The following CA5B variants were observed in gnomAD, a reference collection of about 807,000 sequenced individuals.
CA5B encodes the protein carbonic anhydrase 5B, also known as carbonic anhydrase 5B, mitochondrial.
CA5B carries 15 observed loss-of-function variants against 23.1 expected under a neutral mutation model. The observed-to-expected ratio is 0.65, with a 90% CI of 0.43 to 1.00. The LOEUF is 1.00. Ranked by LOEUF, CA5B falls within the 50% of genes least tolerant of loss-of-function variation. CA5B has a pLI of 0.00. For synonymous variants in CA5B, 84 were observed against 98.5 expected (o/e 0.85, Z 0.87); for missense variants, 236 against 252.2 (o/e 0.94, Z 0.43).
chrX:15,743,142 A>G (rs1354862842), intron 1 of CA5B, among the ~76,000 whole-genome samples: 1 of 112,618 alleles, frequency 8.9e-6, no homozygotes, highest in Non-Finnish European at 1.9e-5. Flanking sequence ...AATATGCCAG[A>G]CATACGCCCA....
chrX:15,776,493 C>G (rs762560645), intron 6 of CA5B, among the ~76,000 whole-genome samples: 3 of 111,451 alleles, frequency 2.7e-5, no homozygotes, highest in African/African-American at 9.7e-5. Flanking sequence ...GGCCGTTTTC[C>G]CACAGGGGAA....
In CA5B at chrX:15,775,259, A is replaced by G. The variant is rs774667169; in HGVS notation, c.569A>G (p.His190Arg). The G allele has an allele frequency of 3.1e-5, 37 of 1,197,032 alleles. No individual in the cohort carries two copies. The highest frequency in any genetic ancestry group is 4.2e-5 in the Non-Finnish European group (37 of 885,359). ...GTTGTTCTTTAGCTAGGCAAACATC[A>G]TAAGGAGCTACAGAAATTAGTGGAT... Reference protein sequence around the residue: ...IGVFLKLGKHHKELQKLVDTL... With the variant: ...IGVFLKLGKHRKELQKLVDTL... The change falls in exon 6 of 8, where the codon CAT becomes CGT. Residue 190 changes from histidine to arginine, a missense_variant. His to Arg is a conservative substitution (Grantham distance 29). Coordinates refer to ENST00000318636, the MANE Select transcript of CA5B (RefSeq NM_007220.4).
chrX:15,760,966 A>G (rs1170496176), intron 2 of CA5B, among the ~76,000 whole-genome samples: 2 of 111,702 alleles, frequency 1.8e-5, no homozygotes, highest in Non-Finnish European at 3.8e-5. Context: ...ATGTTTATTC[A>G]TGATGAATAT....
At chrX:15,755,301 G>T (rs1273434497) in intron 2 of CA5B, among the ~76,000 whole-genome samples, 1 of 111,994 alleles carries the variant, frequency 8.9e-6, no homozygotes, top group Non-Finnish European at 1.9e-5. Flanking sequence ...GGAAATGTGG[G>T]CTGTAGTCTC....
Position 15,759,734 on chromosome X carries a change from C to CTTTTTTTTT in CA5B, c.143-4820_143-4812dup, listed in dbSNP as rs56915078. On this transcript the variant is annotated intron_variant, in intron 2 of 7. Coordinates refer to ENST00000318636, the MANE Select transcript of CA5B (RefSeq NM_007220.4). ...CCCATCAGCTAGAAATTACTGACACCTTTTTTTTTTTTTTTTTTTTTTTTT... is the reference window on the plus strand; with the variant it reads ...CCCATCAGCTAGAAATTACTGACACCTTTTTTTTTTTTTTTTTTTTTTTTTTTTTTTTTT... Among the ~76,000 whole-genome samples, 16 of 37,417 alleles carry CTTTTTTTTT rather than the reference C, an allele frequency of 4.3e-4. 1 individual carries two copies. Among genetic ancestry groups the CTTTTTTTTT allele is most frequent in the African/African-American group, 2.1e-3 (16 of 7,628 alleles). The allele number at this position is 37,417 out of a possible 115,157, so 32.5% of individuals were successfully genotyped here.
At chrX:15,781,104 A>C (rs777910016) in intron 7 of CA5B, among the ~76,000 whole-genome samples, 123 of 110,217 alleles carry the variant, frequency 1.1e-3, no homozygotes, top group African/African-American at 3.9e-3. Flanking sequence ...TCCTGGGCTC[A>C]GTAGCTGGGA....
intron 2 of CA5B, among the ~76,000 whole-genome samples, chrX:15,764,023 T>G (rs1045163698): frequency 9.0e-6 from 1 of 111,530 alleles, no homozygotes; most frequent in African/African-American, 3.3e-5. Context: ...CCTGCCCACA[T>G]TAAGGGCAGA....
chrX:15,750,391 C>T (rs1229066688), intron 2 of CA5B: 3 of 304,988 alleles, frequency 9.8e-6, no homozygotes, highest in Non-Finnish European at 1.1e-5. Context: ...ATAACTGTTT[C>T]TCTGTTGATT....
In CA5B at chrX:15,772,564, G is replaced by A. The variant is rs1931841777; in HGVS notation, c.409G>A (p.Asp137Asn). Residue 137 changes from aspartate to asparagine, a missense_variant, in exon 4 of 8, where the codon GAT becomes AAT. Around this residue, in one of 3 missense-constraint regions of CA5B, gnomAD observed 170 missense variants for 162.0 expected, o/e 1.05. Transcript: ENST00000318636. ...KQFHFHWGAI[D>N]AWGSEHTVDS... ...GTTCCATTTTCACTGGGGGGCCATC[G>A]ATGCCTGGGGTTCTGAGCACACCGT... 1 of 1,207,527 alleles carries A rather than the reference G, an allele frequency of 8.3e-7. No homozygotes were observed.
Position 15,750,163 on chromosome X carries a change from C to A in CA5B, c.140C>A (p.Ala47Asp). Residue 47 changes from alanine to aspartate, a missense_variant and splice_region_variant, in exon 2 of 8, where the codon GCC (alanine) becomes GAC (aspartate). Ala to Asp is a moderately radical substitution (Grantham distance 126, BLOSUM62 -2). This residue lies in a region of CA5B where 54 missense variants were observed against 46.6 expected (regional missense o/e 1.16). Coordinates refer to ENST00000318636, the MANE Select transcript of CA5B (RefSeq NM_007220.4). The stretch of plus-strand genomic sequence containing the variant: ...TGTACTTACAAAACCCGGAACCGAG[C>A]CTGTGAGTACACCACTTCCTTAAAG... Reference protein sequence around the residue: ...YTCTYKTRNRALHPLWESVDL... With the variant: ...YTCTYKTRNRDLHPLWESVDL... 2 of 1,195,867 alleles carry A rather than the reference C, an allele frequency of 1.7e-6. No homozygotes were observed. The highest frequency in any genetic ancestry group is 2.3e-6 in the Non-Finnish European group (2 of 882,159).
chrX:15,762,546 A>G (rs1400112517), intron 2 of CA5B, among the ~76,000 whole-genome samples: 1 of 107,640 alleles, frequency 9.3e-6, no homozygotes, highest in Non-Finnish European at 1.9e-5. Flanking sequence ...GGTTCAAGCG[A>G]TTTTCCTGCC....
intron 2 of CA5B, among the ~76,000 whole-genome samples, chrX:15,758,097 C>T (rs915764242): frequency 9.0e-6 from 1 of 111,426 alleles, no homozygotes; most frequent in Non-Finnish European, 1.9e-5. Flanking sequence ...AAGAGATAAA[C>T]CTGAATGATT....
intron 1 of CA5B, among the ~76,000 whole-genome samples, chrX:15,738,798 G>T (rs768815374): frequency 9.0e-6 from 1 of 110,910 alleles, no homozygotes; most frequent in Non-Finnish European, 1.9e-5. Context: ...TCCAGAAACC[G>T]AGGCTCAGTA....
chrX:15,749,784 C>A, intron 1 of CA5B, 187 bp from the exon 2 acceptor site: 1 of 339,320 alleles, frequency 2.9e-6, no homozygotes, highest in Non-Finnish European at 5.1e-6. Context: ...ACCCTCCCTG[C>A]CCTCCACTGA....
Position 15,782,487 on chromosome X carries a change from T to G in CA5B, c.777T>G (p.Leu259=), listed in dbSNP as rs1486676904. ...KQPVEVDHDQ[L]EQFRTLLFTS... is the part of the protein sequence containing the mutation. ...ATGCTTTCTGTTTCTATTTCTAGCT[T>G]GAGCAATTTCGGACCCTGCTTTTCA... The change falls in exon 8 of 8, where the codon CTT becomes CTG. Residue 259 remains leucine (L), a splice_region_variant and synonymous_variant. Coordinates refer to ENST00000318636, the MANE Select transcript of CA5B (RefSeq NM_007220.4). 5.8e-6 allele frequency: 7 copies of G among 1,208,151 alleles called. No homozygotes were observed. The highest frequency in any genetic ancestry group is 6.7e-6 in the Non-Finnish European group (6 of 892,291).
chrX:15,773,243 AT>A (rs769371107), intron 4 of CA5B, among the ~76,000 whole-genome samples: 45 of 110,532 alleles, frequency 4.1e-4, no homozygotes, highest in Non-Finnish European at 7.4e-4. Context: ...TTTATTTTAT[AT>A]TTTTTATATT....
At chrX:15,738,651 G>C (rs1404520727) in intron 1 of CA5B, among the ~76,000 whole-genome samples, 2 of 111,038 alleles carry the variant, frequency 1.8e-5, no homozygotes, top group Non-Finnish European at 3.8e-5. Context: ...CAGAGAAAAG[G>C]GGGTGGGGGC....
intron 1 of CA5B, among the ~76,000 whole-genome samples, chrX:15,746,767 G>A (rs1348950234): frequency 2.7e-5 from 3 of 111,018 alleles, no homozygotes. Flanking sequence ...GGGTTGAAGT[G>A]AGGTTTTCTT....
At position 15,754,773 on chromosome X, in the gene CA5B, T is replaced by G. The variant is rs752165812; in HGVS notation, c.142+4608T>G. ...TCAGGTAAAATGGAAATGATACTGATTTGTTATTCCAATGATTCTTAATGT... is the reference window on the plus strand; with the variant it reads ...TCAGGTAAAATGGAAATGATACTGAGTTGTTATTCCAATGATTCTTAATGT... On this transcript the variant is annotated intron_variant, in intron 2 of 7. Coordinates refer to ENST00000318636, the MANE Select transcript of CA5B (RefSeq NM_007220.4). 6.2e-5 allele frequency among the ~76,000 whole-genome samples: 7 copies of G among 112,362 alleles called. No homozygotes were observed. The South Asian group carries it at 2.6e-3, about 41-fold the overall frequency.
Sources: allele counts gnomAD v4.1 joint callset (sites outside exome capture counted in the v4.1 genomes callset), GRCh38; gene constraint gnomAD v4.1.1; regional missense constraint gnomAD v4.1.1; transcripts MANE v1.5; gene names NCBI Gene and HGNC (gene_info 2026-07-23, HGNC 2026-07-21).